Variants in LMX1A observed in about 807,000 individuals in gnomAD.
LMX1A encodes LIM homeobox transcription factor 1 alpha.
Under a neutral mutation model 49.1 loss-of-function variants are expected in LMX1A, and 15 were observed. That is an observed-to-expected ratio of 0.31 (90% confidence interval 0.20 to 0.47). The LOEUF is 0.47. Among genes scored for constraint, LMX1A ranks in the 20% least tolerant of loss-of-function variants. LMX1A has a pLI of 1.00. For missense variants in LMX1A, 372 were observed against 475.8 expected (o/e 0.78, Z 2.03); for synonymous variants, 167 against 185.7 (o/e 0.90, Z 0.82).
intron 3 of LMX1A, among the ~76,000 whole-genome samples, chr1:165,350,173 C>CAA (rs60150264): frequency 2.4e-3 from 195 of 80,076 alleles, no homozygotes; most frequent in Middle Eastern, 9.4e-3. Flanking sequence ...AAAGATCCAC[C>CAA]AAAAAAAAAA....
At chr1:165,207,703 C>G in intron 7 of LMX1A, 1 of 251,198 alleles carries the variant, frequency 4.0e-6, no homozygotes, top group South Asian at 1.7e-4. Flanking sequence ...GCCAAGTCAC[C>G]GAGGTGTCTT....
chr1:165,243,751 T>A (rs1163148907), intron 4 of LMX1A, among the ~76,000 whole-genome samples: 1 of 152,258 alleles, frequency 6.6e-6, no homozygotes. Flanking sequence ...GAATTCAATG[T>A]AACAGTTCTG....
chr1:165,342,514 G>A (rs2101763859), intron 3 of LMX1A, among the ~76,000 whole-genome samples: 1 of 152,224 alleles, frequency 6.6e-6, no homozygotes, highest in South Asian at 2.1e-4. Context: ...CTGGGGGGAA[G>A]AAGAGCTATG....
chr1:165,287,146 C>T (rs1208713328), intron 3 of LMX1A, among the ~76,000 whole-genome samples: 2 of 152,132 alleles, frequency 1.3e-5, no homozygotes, highest in Non-Finnish European at 2.9e-5. Flanking sequence ...TGCCTTCTAC[C>T]CCATTGGCTA....
intron 3 of LMX1A, among the ~76,000 whole-genome samples, chr1:165,283,007 AG>A (rs1341756630): frequency 6.6e-6 from 1 of 152,230 alleles, no homozygotes; most frequent in Non-Finnish European, 1.5e-5. Flanking sequence ...TCCAACCCCA[AG>A]TCACACATAC....
At chr1:165,352,127 C>A (rs926466000) in intron 3 of LMX1A, among the ~76,000 whole-genome samples, 1 of 152,250 alleles carries the variant, frequency 6.6e-6, no homozygotes, top group Non-Finnish European at 1.5e-5. Flanking sequence ...AAGGAAAAAA[C>A]CGTTCCCTCT....
chr1:165,316,025 A>G (rs1300460942), intron 3 of LMX1A, among the ~76,000 whole-genome samples: 1 of 152,184 alleles, frequency 6.6e-6, no homozygotes, highest in East Asian at 1.9e-4. Flanking sequence ...CGTCTCTTAT[A>G]ATAGAGTGCC....
chr1:165,221,273 G>C (rs1651832619), intron 4 of LMX1A, among the ~76,000 whole-genome samples: 1 of 151,986 alleles, frequency 6.6e-6, no homozygotes, highest in Non-Finnish European at 1.5e-5. Flanking sequence ...GAAAGGGAAG[G>C]CTTTCTGGAG....
intron 3 of LMX1A, among the ~76,000 whole-genome samples, chr1:165,332,214 A>C (rs1356846892): frequency 3.3e-5 from 5 of 152,218 alleles, no homozygotes; most frequent in Non-Finnish European, 7.3e-5. Context: ...GCATGAAAAG[A>C]GGAACAGAGA....
At chr1:165,342,693 C>A (rs995232246) in intron 3 of LMX1A, among the ~76,000 whole-genome samples, 3 of 152,042 alleles carry the variant, frequency 2.0e-5, no homozygotes, top group African/African-American at 7.2e-5. Flanking sequence ...TAAAAACTTC[C>A]TTTAAAACCA....
chr1:165,312,896 G>T (rs1202961429), intron 3 of LMX1A, among the ~76,000 whole-genome samples: 1 of 152,186 alleles, frequency 6.6e-6, no homozygotes, highest in Non-Finnish European at 1.5e-5. Flanking sequence ...GCCAATGAAT[G>T]ATAGGAATTT....
chr1:165,217,466 TC>T (rs1460211848), intron 4 of LMX1A, among the ~76,000 whole-genome samples: 1 of 152,194 alleles, frequency 6.6e-6, no homozygotes, highest in African/African-American at 2.4e-5. Context: ...AGGTGGCTGC[TC>T]CTTCCTTCTC....
chr1:165,262,435 C>T (rs1653471434), intron 3 of LMX1A, among the ~76,000 whole-genome samples: 1 of 152,208 alleles, frequency 6.6e-6, no homozygotes, highest in African/African-American at 2.4e-5. Context: ...CTTTCTTGAG[C>T]AGTTACACCT....
At chr1:165,237,861 G>C (rs1358368324) in intron 4 of LMX1A, among the ~76,000 whole-genome samples, 2 of 152,142 alleles carry the variant, frequency 1.3e-5, no homozygotes, top group Non-Finnish European at 2.9e-5. Flanking sequence ...GAAACCTCTT[G>C]ATGGAAATCT....
intron 3 of LMX1A, among the ~76,000 whole-genome samples, chr1:165,282,091 C>T (rs1273749065): frequency 6.6e-6 from 1 of 152,212 alleles, no homozygotes. Context: ...TGGGCACTGA[C>T]CCCTGGGCCC....
intron 3 of LMX1A, among the ~76,000 whole-genome samples, chr1:165,321,739 A>G (rs1655391093): frequency 6.6e-6 from 1 of 152,214 alleles, no homozygotes; most frequent in African/African-American, 2.4e-5. Flanking sequence ...ACAATCAACA[A>G]AAGAAAAAAT....
intron 3 of LMX1A, among the ~76,000 whole-genome samples, chr1:165,306,008 C>T (rs947198004): frequency 2.0e-5 from 3 of 152,152 alleles, no homozygotes; most frequent in Non-Finnish European, 2.9e-5. Context: ...CTAGCATGAA[C>T]GTCATTTGTG....
chr1:165,217,955 T>C (rs1218596811), intron 4 of LMX1A, among the ~76,000 whole-genome samples: 4 of 152,240 alleles, frequency 2.6e-5, no homozygotes, highest in African/African-American at 9.6e-5. Flanking sequence ...AGACGTTTCA[T>C]CTAAAATGCC....
At chr1:165,331,343 A>G (rs929425647) in intron 3 of LMX1A, among the ~76,000 whole-genome samples, 2 of 152,256 alleles carry the variant, frequency 1.3e-5, no homozygotes, top group African/African-American at 4.8e-5. Context: ...ACTTTCTGCA[A>G]TGATGGAAAA....
Sources: allele counts gnomAD v4.1 joint callset (sites outside exome capture counted in the v4.1 genomes callset), GRCh38; gene constraint gnomAD v4.1.1; transcripts MANE v1.5; gene names NCBI Gene and HGNC (gene_info 2026-07-23, HGNC 2026-07-21).